The following AUTS2 variants were observed in gnomAD, a reference collection of about 807,000 sequenced individuals.
The protein encoded by AUTS2 is autism susceptibility gene 2 protein.
A neutral mutation model predicts 112.4 loss-of-function variants in AUTS2; 17 were observed. The ratio of observed to expected loss-of-function variants is 0.15; its 90% CI spans 0.10 to 0.23. The LOEUF is 0.23. Among genes scored for constraint, AUTS2 ranks in the 10% least tolerant of loss-of-function variants. The pLI, the probability that AUTS2 is intolerant of heterozygous loss-of-function variation, is 1.00. For missense variants in AUTS2, 1,510 were observed against 1,701.6 expected (o/e 0.89, Z 1.98); for synonymous variants, 751 against 702.7 (o/e 1.07, Z -1.09).
intron 4 of AUTS2, among the ~76,000 whole-genome samples, chr7:70,317,456 C>A (rs1014132502): frequency 1.3e-5 from 2 of 152,154 alleles, no homozygotes; most frequent in Non-Finnish European, 2.9e-5. Context: ...TTAAACACTT[C>A]ATGTATTAAC....
At chr7:70,607,211 G>A (rs767863079) in intron 5 of AUTS2, among the ~76,000 whole-genome samples, 12 of 149,312 alleles carry the variant, frequency 8.0e-5, no homozygotes, top group Non-Finnish European at 1.2e-4. Context: ...TAGTAGCTGC[G>A]TGGAGCTTGC....
chr7:70,231,124 A>G (rs1488000873), intron 4 of AUTS2, among the ~76,000 whole-genome samples: 3 of 152,102 alleles, frequency 2.0e-5, no homozygotes, highest in African/African-American at 7.2e-5. Context: ...GTTTTTGACA[A>G]TTTTGTTCTG....
At chr7:70,299,964 A>T (rs1296731066) in intron 4 of AUTS2, among the ~76,000 whole-genome samples, 6 of 152,148 alleles carry the variant, frequency 3.9e-5, no homozygotes, top group African/African-American at 1.4e-4. Flanking sequence ...AATCACTTGG[A>T]TCCAAAGAAT....
intron 1 of AUTS2, among the ~76,000 whole-genome samples, chr7:69,610,705 C>G (rs1198674474): frequency 6.6e-6 from 1 of 152,158 alleles, no homozygotes; most frequent in Non-Finnish European, 1.5e-5. Context: ...GATTTCAGAG[C>G]TTGGTTTTCA....
At position 70,631,311 on chromosome 7, in the gene AUTS2, G is replaced by A. The variant is rs975424983; in HGVS notation, c.691-67258G>A. On this transcript the variant is annotated intron_variant, in intron 5 of 18. Coordinates refer to ENST00000342771, the MANE Select transcript of AUTS2 (RefSeq NM_015570.4). This position sits in a 1 kb window ranked among gnomAD's most constrained non-coding sequence, Gnocchi z 4.5. ...TGCGGGCTGGCCGGGCTGCTGGCTC[G>A]CCTTGAAGAGAACACCAGGGCAGGG... Among the ~76,000 whole-genome samples the A allele has an allele frequency of 2.6e-5, 4 of 152,184 alleles. No individual in the cohort carries two copies. The highest frequency in any genetic ancestry group is 6.5e-5 in the Admixed American group (1 of 15,282).
intron 5 of AUTS2, among the ~76,000 whole-genome samples, chr7:70,504,543 A>C (rs1329944438): frequency 6.6e-6 from 1 of 151,524 alleles, no homozygotes; most frequent in Non-Finnish European, 1.5e-5. Flanking sequence ...TGTGTGAGTG[A>C]TGCAGGAAGG....
intron 4 of AUTS2, among the ~76,000 whole-genome samples, chr7:70,209,373 GA>G (rs1810738288): frequency 1.3e-5 from 2 of 152,132 alleles, no homozygotes; most frequent in African/African-American, 4.8e-5. Context: ...TGTTATGAAA[GA>G]AATGCCAATT....
intron 1 of AUTS2, among the ~76,000 whole-genome samples, chr7:69,888,466 G>GCA (rs1794371334): frequency 6.8e-6 from 1 of 146,484 alleles, no homozygotes; most frequent in South Asian, 2.2e-4. Context: ...ATGAGGGAGG[G>GCA]CATTAATCTA....
intron 5 of AUTS2, among the ~76,000 whole-genome samples, chr7:70,469,718 G>A (rs1797304091): frequency 6.6e-6 from 1 of 152,190 alleles, no homozygotes; most frequent in South Asian, 2.1e-4. Context: ...TAGGCTCACT[G>A]CAACCTCCAC....
chr7:70,708,841 A>G lies in AUTS2; in HGVS notation c.742+10221A>G, dbSNP rs552524787. Among the ~76,000 whole-genome samples the G allele has an allele frequency of 3.0e-4, 46 of 152,266 alleles. No homozygotes were observed. In the South Asian group the frequency reaches 9.5e-3, roughly 32 times the overall value. ...TATTGCAAAGGTTTTTGGCAGTGCC[A>G]TAAAGATCTGTACATCACCTATCAA... is the stretch of plus-strand genomic sequence containing the variant. On this transcript the variant is annotated intron_variant, in intron 6 of 18. Transcript: ENST00000342771.
At chr7:70,031,187 T>C (rs1268238714) in intron 2 of AUTS2, among the ~76,000 whole-genome samples, 1 of 152,116 alleles carries the variant, frequency 6.6e-6, no homozygotes, top group African/African-American at 2.4e-5. Context: ...TTCCCCTTGG[T>C]TGTGTCTTGG....
In AUTS2 at chr7:70,297,461, C is replaced by T. The variant is rs1020147094; in HGVS notation, c.661-138291C>T. Among the ~76,000 whole-genome samples, 10 of 148,134 alleles carry T rather than the reference C, an allele frequency of 6.8e-5. No homozygotes were observed. In the East Asian group the frequency reaches 1.0e-3, roughly 15 times the overall value. Reference sequence around the variant, plus strand: ...TTTTTTTTTTATCGAGACAGAGTCTCGCTCTGTCACCCAGACTGGAGTGCA... The same window carrying T: ...TTTTTTTTTTATCGAGACAGAGTCTTGCTCTGTCACCCAGACTGGAGTGCA... On this transcript the variant is annotated intron_variant, in intron 4 of 18. Transcript: ENST00000342771.
rs34912846 is a variant in AUTS2, at chr7:69,821,916, C to CAAAAA, written c.310-77353_310-77349dup. On this transcript the variant is annotated intron_variant, in intron 1 of 18. Transcript: ENST00000342771. ...GGGCGATAGAGTGAGACAGGGTCTCCAAAAAAAAAAAAAAAAAAAAAGTCT... is the reference window on the plus strand; with the variant it reads ...GGGCGATAGAGTGAGACAGGGTCTCCAAAAAAAAAAAAAAAAAAAAAAAAAAGTCT... 2.9e-3 allele frequency among the ~76,000 whole-genome samples: 226 copies of CAAAAA among 76,790 alleles called. 1 individual carries two copies. The highest frequency in any genetic ancestry group is 0.01 in the African/African-American group (212 of 20,662). 50.4% of individuals were successfully genotyped at this position (76,790 alleles called of 152,430 possible). A position where few individuals can be genotyped will look rare whatever the true frequency, so the allele number is the denominator to read the frequency against.
intron 2 of AUTS2, among the ~76,000 whole-genome samples, chr7:70,063,970 T>C (rs1027083092): frequency 1.3e-5 from 2 of 152,202 alleles, no homozygotes; most frequent in African/African-American, 4.8e-5. Context: ...TACTGAGTTC[T>C]AAATTCTTGG....
intron 1 of AUTS2, among the ~76,000 whole-genome samples, chr7:69,821,916 CAAAAAA>C (rs34912846): frequency 1.3e-5 from 1 of 76,828 alleles, no homozygotes; most frequent in African/African-American, 4.8e-5. Flanking sequence ...ACAGGGTCTC[CAAAAAA>C]AAAAAAAAAA....
chr7:69,772,148 T>G (rs1184580857), intron 1 of AUTS2, among the ~76,000 whole-genome samples: 2 of 152,168 alleles, frequency 1.3e-5, no homozygotes, highest in East Asian at 3.9e-4. Flanking sequence ...TCATTCCTTT[T>G]GTTTGGCATA....
chr7:69,810,996 A>G (rs1279915140), intron 1 of AUTS2, among the ~76,000 whole-genome samples: 1 of 152,230 alleles, frequency 6.6e-6, no homozygotes, highest in Non-Finnish European at 1.5e-5. Flanking sequence ...GGAGGTTGCC[A>G]GGAGGATAAA....
intron 4 of AUTS2, among the ~76,000 whole-genome samples, chr7:70,196,109 G>A (rs1810159904): frequency 6.6e-6 from 1 of 152,158 alleles, no homozygotes; most frequent in South Asian, 2.1e-4. Flanking sequence ...CCTGTAGGAG[G>A]AAATTGTGGA....
chr7:70,007,738 T>G (rs1435365203), intron 2 of AUTS2, among the ~76,000 whole-genome samples: 1 of 152,228 alleles, frequency 6.6e-6, no homozygotes, highest in Non-Finnish European at 1.5e-5. Flanking sequence ...ACCCAGATAG[T>G]CTGTCTTCAA....
Sources: gnomAD v4.1 joint callset for allele counts (sites outside exome capture counted in the v4.1 genomes callset) on GRCh38, gnomAD v4.1.1 for gene constraint, Gnocchi (gnomAD v3.1) non-coding constraint, MANE v1.5 for transcripts, NCBI Gene and HGNC (gene_info 2026-07-23, HGNC 2026-07-21) for gene names.